The following FBXW11 variants were observed in gnomAD, a reference collection of about 807,000 sequenced individuals.
FBXW11 encodes F-box/WD repeat-containing protein 11.
In FBXW11, 19 loss-of-function variants were observed where a neutral mutation model predicts 77.6. The observed-to-expected ratio is 0.24, with a 90% CI of 0.17 to 0.36. FBXW11 has a LOEUF of 0.36. FBXW11 is among the 10% of genes least tolerant of loss of function. The pLI is 1.00. For synonymous variants in FBXW11, 235 were observed against 249.4 expected, an observed-to-expected ratio of 0.94 and a Z score of 0.54; for missense variants, 334 against 704.2, an observed-to-expected ratio of 0.47 and a Z score of 5.95.
chr5:171,958,555 A>G (rs917395373), intron 1 of FBXW11, among the ~76,000 whole-genome samples: 1 of 152,222 alleles, frequency 6.6e-6, no homozygotes, highest in Non-Finnish European at 1.5e-5. Flanking sequence ...TCCGTCTGAC[A>G]TGACTAAGAA....
chr5:171,929,555 T>C (rs553686741), intron 2 of FBXW11, among the ~76,000 whole-genome samples: 41 of 152,108 alleles, frequency 2.7e-4, no homozygotes, highest in African/African-American at 9.9e-4. Context: ...ATCTACAAAA[T>C]AAAAGTGATG....
In FBXW11 at chr5:171,913,846, C is replaced by T. The variant is rs967816221; in HGVS notation, c.210+497G>A. ...ACACACACACACACACACACACACA[C>T]ACACACACACACACACACACACACA... On this transcript the variant is annotated intron_variant, in intron 3 of 13. Coordinates refer to ENST00000517395, the MANE Select transcript of FBXW11 (RefSeq NM_001378974.1). 2.7e-3 allele frequency among the ~76,000 whole-genome samples: 404 copies of T among 151,274 alleles called. 4 individuals carry two copies. Among genetic ancestry groups the T allele is most frequent in the African/African-American group, 9.0e-3 (372 of 41,224 alleles).
At chr5:171,936,284 G>C (rs1316928377) in intron 2 of FBXW11, among the ~76,000 whole-genome samples, 4 of 151,846 alleles carry the variant, frequency 2.6e-5, no homozygotes, top group African/African-American at 7.3e-5. Flanking sequence ...CATGAGCCAA[G>C]GAGTTCAAGA....
Position 171,957,590 on chromosome 5 carries a change from G to A in FBXW11, c.147+7C>T. 6.2e-7 allele frequency: 1 copy of A among 1,611,240 alleles called. No homozygotes were observed. The highest frequency in any genetic ancestry group is 1.1e-5 in the South Asian group (1 of 91,010). ...AACACATTTACAACAAGAAAGAAGA[G>A]AGGCACCTGGAGACATCTGACACTG... On this transcript the variant is annotated splice_region_variant and intron_variant, in intron 2 of 13. Coordinates refer to ENST00000517395, the MANE Select transcript of FBXW11 (RefSeq NM_001378974.1).
At chr5:171,986,151 T>C (rs1765427526) in intron 1 of FBXW11, among the ~76,000 whole-genome samples, 1 of 152,168 alleles carries the variant, frequency 6.6e-6, no homozygotes, top group African/African-American at 2.4e-5. Context: ...CTCACATCTA[T>C]AATACCAGCA....
intron 12 of FBXW11, 139 bp from the exon 13 acceptor site, chr5:171,868,935 G>T: frequency 1.5e-6 from 1 of 657,280 alleles, no homozygotes; most frequent in Non-Finnish European, 2.5e-6. Context: ...ACTGAACTGT[G>T]TCCTTCATCC....
chr5:171,966,166 G>A (rs1051172187), intron 1 of FBXW11, among the ~76,000 whole-genome samples: 2 of 152,060 alleles, frequency 1.3e-5, no homozygotes, highest in African/African-American at 4.8e-5. Context: ...GTATGAGAAC[G>A]GACTAATACA....
chr5:171,973,571 C>G lies in FBXW11; in HGVS notation c.46-15873G>C, dbSNP rs944474085. 2.0e-5 allele frequency among the ~76,000 whole-genome samples: 3 copies of G among 152,286 alleles called. No homozygotes were observed. In the East Asian group the frequency reaches 5.8e-4, roughly 29 times the overall value. ...CAGCCAAGAGCAGCTTAAGGACACACAACAGCAAAGTGTAAGGATGGTATC... is the reference window on the plus strand; with the variant it reads ...CAGCCAAGAGCAGCTTAAGGACACAGAACAGCAAAGTGTAAGGATGGTATC... On this transcript the variant is annotated intron_variant, in intron 1 of 13. Coordinates refer to ENST00000517395, the MANE Select transcript of FBXW11 (RefSeq NM_001378974.1).
chr5:171,995,089 T>G (rs1281548854), intron 1 of FBXW11, among the ~76,000 whole-genome samples: 1 of 152,166 alleles, frequency 6.6e-6, no homozygotes, highest in Admixed American at 6.5e-5. Flanking sequence ...AAAATTTTTT[T>G]AAGATGAAAG....
At position 171,914,412 on chromosome 5, in the gene FBXW11, G is replaced by C; in HGVS notation, c.148-7C>G. On this transcript the variant is annotated splice_polypyrimidine_tract_variant and splice_region_variant and intron_variant, in intron 2 of 13. Transcript: ENST00000517395. ...CTTCCATAACTGAAGTGTTCTAGGG[G>C]GGGAAAAACAGGTTATTTGAATTAT... The C allele has an allele frequency of 6.4e-7, 1 of 1,572,714 alleles. No homozygotes were observed. The highest frequency in any genetic ancestry group is 8.6e-7 in the Non-Finnish European group (1 of 1,167,070).
chr5:171,932,541 T>C (rs923494209), intron 2 of FBXW11, among the ~76,000 whole-genome samples: 1 of 152,152 alleles, frequency 6.6e-6, no homozygotes, highest in Non-Finnish European at 1.5e-5. Context: ...TGTGTAGTGA[T>C]GAAGTCAAGG....
rs113294181 is a variant in FBXW11 at position 171,883,099 on chromosome 5, C to T, written c.853-4970G>A. Among the ~76,000 whole-genome samples, 1,215 of 152,196 alleles carry T rather than the reference C, an allele frequency of 8.0e-3. 10 individuals carry two copies. The highest frequency in any genetic ancestry group is 0.011 in the Non-Finnish European group (758 of 67,998). On this transcript the variant is annotated intron_variant, in intron 7 of 13. Transcript: ENST00000517395. ...CAGTCTCCAATCTCATCCAAGTCAC[C>T]GCAAATGCTGTTAATTCATTCCTTT...
rs199892598 is a variant in FBXW11, at chr5:171,994,819, CT to C, written c.45+11638del. Among the ~76,000 whole-genome samples the C allele has an allele frequency of 4.9e-3, 744 of 152,254 alleles. 23 individuals carry two copies. The highest frequency in any genetic ancestry group is 0.044 in the Admixed American group (673 of 15,290). The stretch of plus-strand genomic sequence containing the variant: ...TCAGGAGGCCGAGTCAGGCAGATTA[CT>C]TGAGGCCCGGAGTTTGAGACCAGCC... On this transcript the variant is annotated intron_variant, in intron 1 of 13. Coordinates refer to ENST00000517395, the MANE Select transcript of FBXW11 (RefSeq NM_001378974.1).
At chr5:171,881,250 G>A (rs144538934) in intron 7 of FBXW11, among the ~76,000 whole-genome samples, 1 of 152,170 alleles carries the variant, frequency 6.6e-6, no homozygotes, top group East Asian at 1.9e-4. Context: ...ATACAATGTT[G>A]AAACATAGTG....
At chr5:171,968,375 GCGAACC>G (rs1764337538) in intron 1 of FBXW11, among the ~76,000 whole-genome samples, 1 of 151,332 alleles carries the variant, frequency 6.6e-6, no homozygotes, top group Non-Finnish European at 1.5e-5. Context: ...GGAGAATGGT[GCGAACC>G]CGGGAGGCGG....
At chr5:171,930,152 G>A (rs761964119) in intron 2 of FBXW11, among the ~76,000 whole-genome samples, 1 of 152,162 alleles carries the variant, frequency 6.6e-6, no homozygotes, top group Non-Finnish European at 1.5e-5. Context: ...CTTAAAAAGC[G>A]TCCTGCTAGT....
At chr5:171,980,366 T>TA (rs1209371284) in intron 1 of FBXW11, among the ~76,000 whole-genome samples, 1 of 152,004 alleles carries the variant, frequency 6.6e-6, no homozygotes, top group African/African-American at 2.4e-5. Context: ...AACCATGAAA[T>TA]AAAAAATTGG....
chr5:171,932,674 A>G (rs1762275181), intron 2 of FBXW11, among the ~76,000 whole-genome samples: 1 of 152,198 alleles, frequency 6.6e-6, no homozygotes, highest in Admixed American at 6.6e-5. Flanking sequence ...CTCTTGCCCA[A>G]CAATCTAATA....
At chr5:171,886,011 T>A (rs906907767) in intron 7 of FBXW11, among the ~76,000 whole-genome samples, 1 of 152,244 alleles carries the variant, frequency 6.6e-6, no homozygotes, top group African/African-American at 2.4e-5. Context: ...TTAAGTCAAA[T>A]GGATGTGCCA....
Sources: allele counts gnomAD v4.1 joint callset (sites outside exome capture counted in the v4.1 genomes callset), GRCh38; gene constraint gnomAD v4.1.1; transcripts MANE v1.5; gene names NCBI Gene and HGNC (gene_info 2026-07-23, HGNC 2026-07-21).